Variants in CC2D2A observed in about 807,000 individuals in gnomAD.
CC2D2A encodes the protein coiled-coil and C2 domain-containing protein 2A.
Under a neutral mutation model 212.9 loss-of-function variants are expected in CC2D2A, and 155 were observed. The ratio of observed to expected loss-of-function variants is 0.73; its 90% CI spans 0.64 to 0.83. The LOEUF (loss-of-function observed/expected upper bound fraction) is 0.83, where lower values mean the gene tolerates loss of function less well. Ranked by LOEUF, CC2D2A falls within the 40% of genes least tolerant of loss-of-function variation. The probability of loss-of-function intolerance (pLI) is 0.00; values close to 1 mark genes in which losing one functional copy is unlikely to be tolerated. For missense variants in CC2D2A, 1,856 were observed against 1,956.2 expected (o/e 0.95, Z 0.97); for synonymous variants, 667 against 686.5 (o/e 0.97, Z 0.44).
chr4:15,544,549 AAGGCAAGAAGG>A (rs1479983315), intron 17 of CC2D2A, among the ~76,000 whole-genome samples: 1 of 152,114 alleles, frequency 6.6e-6, no homozygotes, highest in Non-Finnish European at 1.5e-5. Flanking sequence ...GACAGGAGAG[AAGGCAAGAAGG>A]CCTCCCCTCC....
chr4:15,530,982 G>A (rs890550442), intron 13 of CC2D2A, among the ~76,000 whole-genome samples: 17 of 152,148 alleles, frequency 1.1e-4, no homozygotes, highest in Admixed American at 2.0e-4. Flanking sequence ...ATGCAACATA[G>A]GAATATTTTA....
chr4:15,500,107 G>GTGTATATATA (rs1479141284), intron 4 of CC2D2A, among the ~76,000 whole-genome samples: 8 of 112,946 alleles, frequency 7.1e-5, no homozygotes, highest in Admixed American at 9.2e-5. Flanking sequence ...GTGTGTGTGT[G>GTGTATATATA]TATATATATA....
intron 4 of CC2D2A, among the ~76,000 whole-genome samples, chr4:15,482,527 C>T (rs9994702): frequency 0.84 from 127,992 of 152,004 alleles, 54,105 homozygotes; most frequent in East Asian, 0.97. Context: ...TGTGCCTGCA[C>T]TGGGGGAGGG....
At chr4:15,576,334 A>C (rs1347443421) in intron 29 of CC2D2A, 1 of 976,612 alleles carries the variant, frequency 1.0e-6, no homozygotes, top group Non-Finnish European at 1.2e-6. Flanking sequence ...TAGGGTCAAC[A>C]ACCTGGAATT....
chr4:15,597,001 CAT>C (rs1316718782), intron 34 of CC2D2A, among the ~76,000 whole-genome samples: 2 of 147,740 alleles, frequency 1.4e-5, no homozygotes, highest in East Asian at 1.9e-4. Context: ...GTTTAGAAAA[CAT>C]GTGAAACAAT....
At position 15,487,651 on chromosome 4, in the gene CC2D2A, C is replaced by T. The variant is rs555157141; in HGVS notation, c.247+6824C>T. Among the ~76,000 whole-genome samples, 14 of 151,978 alleles carry T rather than the reference C, an allele frequency of 9.2e-5. No individual in the cohort carries two copies. In the South Asian group the frequency reaches 1.0e-3, roughly 11 times the overall value. On this transcript the variant is annotated intron_variant, in intron 4 of 36. Coordinates refer to ENST00000424120, the MANE Select transcript of CC2D2A (RefSeq NM_001378615.1). ...GAGAATTTAGTCCATTTATATTCAACGTCATTATTCACAGGGAGGGACTTA... is the reference window on the plus strand; with the variant it reads ...GAGAATTTAGTCCATTTATATTCAATGTCATTATTCACAGGGAGGGACTTA...
At chr4:15,542,770 C>T (rs897486782) in intron 17 of CC2D2A, among the ~76,000 whole-genome samples, 2 of 152,182 alleles carry the variant, frequency 1.3e-5, no homozygotes, top group African/African-American at 4.8e-5. Flanking sequence ...AAGGCCAGCG[C>T]CTCCAGGGTC....
Position 15,511,353 on chromosome 4 carries a change from C to T in CC2D2A, c.647C>T (p.Ala216Val), listed in dbSNP as rs768733110. 283 of 1,575,836 alleles carry T rather than the reference C, an allele frequency of 1.8e-4. No homozygotes were observed. Among genetic ancestry groups the T allele is most frequent in the South Asian group, 1.8e-3 (149 of 83,474 alleles). Residue 216 changes from alanine to valine, a missense_variant, in exon 8 of 37, where the codon GCG becomes GTG. Coordinates refer to ENST00000424120, the MANE Select transcript of CC2D2A (RefSeq NM_001378615.1). Reference protein sequence around the residue: ...SEEKPKARHRAGTNQEEEEGE... With the variant: ...SEEKPKARHRVGTNQEEEEGE... ...GAAAAACCAAAAGCAAGACATAGAGCGGGAACTAATCAAGAGGAGGAGGAA... is the reference window on the plus strand; with the variant it reads ...GAAAAACCAAAAGCAAGACATAGAGTGGGAACTAATCAAGAGGAGGAGGAA...
intron 6 of CC2D2A, among the ~76,000 whole-genome samples, 152 bp downstream of exon 6, chr4:15,503,075 T>C (rs554912936): frequency 1.3e-5 from 2 of 152,220 alleles, no homozygotes; most frequent in East Asian, 3.9e-4. Context: ...GGTGGGAGGA[T>C]CGCTTGAGTC....
chr4:15,519,475 T>C (rs1265255663), intron 11 of CC2D2A: 2 of 445,668 alleles, frequency 4.5e-6, no homozygotes, highest in East Asian at 7.0e-5. Context: ...AGTTCCAAAG[T>C]TGCTTCCACA....
chr4:15,555,714 G>A (rs540926638), intron 20 of CC2D2A, among the ~76,000 whole-genome samples: 1 of 152,302 alleles, frequency 6.6e-6, no homozygotes, highest in Admixed American at 6.5e-5. Context: ...ACTCCAGTCT[G>A]AATAGAGTGA....
At chr4:15,545,378 A>G (rs1718658609) in intron 17 of CC2D2A, among the ~76,000 whole-genome samples, 1 of 152,154 alleles carries the variant, frequency 6.6e-6, no homozygotes, top group African/African-American at 2.4e-5. Flanking sequence ...TGAAAAGCCA[A>G]CTGCGTATCT....
chr4:15,495,340 C>G (rs1371715106), intron 4 of CC2D2A, among the ~76,000 whole-genome samples: 2 of 152,196 alleles, frequency 1.3e-5, no homozygotes, highest in Non-Finnish European at 2.9e-5. Flanking sequence ...AACTTCTGAG[C>G]TCAGACAATC....
chr4:15,597,592 A>T (rs1420220534), intron 35 of CC2D2A, 127 bp downstream of exon 35: 1 of 764,568 alleles, frequency 1.3e-6, no homozygotes, highest in Non-Finnish European at 2.2e-6. Flanking sequence ...ATGTTTATAG[A>T]TTCCAAATAC....
In CC2D2A at chr4:15,476,017, A is replaced by C. The variant is rs373876021; in HGVS notation, c.39+46A>C. ...CCTCTAGGGATGTGTTTGTGTGTGC[A>C]TGCTTATGTTACACGTGTTTGTGAA... On this transcript the variant is annotated intron_variant, in intron 2 of 36. Transcript: ENST00000424120. The C allele has an allele frequency of 3.9e-6, 6 of 1,524,570 alleles. No individual in the cohort carries two copies. In the African/African-American group the frequency reaches 8.2e-5, roughly 21 times the overall value. 94.4% of individuals were successfully genotyped at this position (1,524,570 alleles called of 1,614,324 possible). A position where few individuals can be genotyped will look rare whatever the true frequency, so the allele number is the denominator to read the frequency against.
rs1373851533 is a variant in CC2D2A, at chr4:15,599,510, A to G, written c.4497-19A>G. The G allele has an allele frequency of 9.4e-6, 14 of 1,491,922 alleles. No individual in the cohort carries two copies. Among genetic ancestry groups the G allele is most frequent in the Non-Finnish European group, 9.9e-6 (11 of 1,106,518 alleles). 92.4% of individuals were successfully genotyped at this position (1,491,922 alleles called of 1,614,324 possible). A position where few individuals can be genotyped will look rare whatever the true frequency, so the allele number is the denominator to read the frequency against. On this transcript the variant is annotated intron_variant, in intron 35 of 36. Transcript: ENST00000424120. ...GAAAAGTGAGTCACCAAAAAATGGA[A>G]TTTATGTTTTGTGAACAGGATTGAA...
At chr4:15,511,105 C>T (rs939089549) in intron 7 of CC2D2A, 142 bp from the exon 8 acceptor site, 3 of 904,224 alleles carry the variant, frequency 3.3e-6, no homozygotes, top group African/African-American at 1.8e-5. Flanking sequence ...CCAGTAGTCT[C>T]ACACCTTTAA....
At chr4:15,498,501 C>G (rs542389055) in intron 4 of CC2D2A, among the ~76,000 whole-genome samples, 1 of 152,150 alleles carries the variant, frequency 6.6e-6, no homozygotes, top group Non-Finnish European at 1.5e-5. Flanking sequence ...CTTCCTCGAG[C>G]CTGGCAGATC....
intron 20 of CC2D2A, 59 bp from the exon 21 acceptor site, chr4:15,557,245 A>G (rs1719332077): frequency 3.3e-6 from 4 of 1,210,262 alleles, no homozygotes; most frequent in East Asian, 4.7e-5. Flanking sequence ...CTCAGTGCCA[A>G]GTTTCTTTGG....
Sources: allele counts gnomAD v4.1 joint callset (sites outside exome capture counted in the v4.1 genomes callset), GRCh38; gene constraint gnomAD v4.1.1; transcripts MANE v1.5; gene names NCBI Gene and HGNC (gene_info 2026-07-23, HGNC 2026-07-21).